CDH18: variants seen among roughly 807,000 people sequenced by gnomAD.
CDH18 encodes cadherin-18.
In CDH18, 31 loss-of-function variants were observed where a neutral mutation model predicts 67.9. The ratio of observed to expected loss-of-function variants is 0.46; its 90% CI spans 0.34 to 0.62. CDH18 has a LOEUF of 0.62. CDH18 is among the 20% of genes least tolerant of loss of function. The pLI is 0.01. For synonymous variants in CDH18, 362 were observed against 347.2 expected (o/e 1.04, Z -0.48); for missense variants, 890 against 975.5 (o/e 0.91, Z 1.17).
At chr5:20,489,908 T>C (rs867808271) in intron 1 of CDH18, among the ~76,000 whole-genome samples, 1 of 151,930 alleles carries the variant, frequency 6.6e-6, no homozygotes, top group Non-Finnish European at 1.5e-5. Context: ...TGTTCTTATC[T>C]AATAGATTCA....
chr5:19,746,575 C>T (rs950978821), intron 4 of CDH18, among the ~76,000 whole-genome samples: 20 of 152,134 alleles, frequency 1.3e-4, no homozygotes, highest in Non-Finnish European at 2.2e-4. Flanking sequence ...AATCTTTCTT[C>T]TCTGCAAATA....
chr5:20,014,307 G>A (rs1287781456), intron 2 of CDH18, among the ~76,000 whole-genome samples: 2 of 152,114 alleles, frequency 1.3e-5, no homozygotes, highest in African/African-American at 4.8e-5. Context: ...GAAACAGAAG[G>A]TGGAAGTGTA....
intron 1 of CDH18, among the ~76,000 whole-genome samples, chr5:20,558,525 T>G (rs1231624225): frequency 1.3e-5 from 2 of 152,084 alleles, no homozygotes; most frequent in Non-Finnish European, 2.9e-5. Context: ...AGGTACTGCA[T>G]GCAGCGAAGG....
intron 1 of CDH18, among the ~76,000 whole-genome samples, chr5:20,519,981 T>TTTTTTTTTTTTG (rs1755642371): frequency 1.1e-5 from 1 of 94,026 alleles, no homozygotes; most frequent in African/African-American, 3.7e-5. Flanking sequence ...TTTTTTTTTT[T>TTTTTTTTTTTTG]GTATTTTTGG....
intron 7 of CDH18, among the ~76,000 whole-genome samples, chr5:19,574,240 C>A (rs537505605): frequency 2.0e-5 from 3 of 152,136 alleles, no homozygotes; most frequent in Admixed American, 6.5e-5. Context: ...CCTACTGCTA[C>A]GGTGCAGGCT....
chr5:20,402,348 T>C (rs1477150194), intron 1 of CDH18, among the ~76,000 whole-genome samples: 1 of 152,200 alleles, frequency 6.6e-6, no homozygotes, highest in Non-Finnish European at 1.5e-5. Context: ...TGCCTGACTT[T>C]GGAAAAAGGC....
chr5:20,048,728 G>C (rs1311886008), intron 2 of CDH18, among the ~76,000 whole-genome samples: 1 of 151,280 alleles, frequency 6.6e-6, no homozygotes, highest in Non-Finnish European at 1.5e-5. Flanking sequence ...TTCTTGGTCT[G>C]GCCTGTAGAT....
intron 2 of CDH18, among the ~76,000 whole-genome samples, chr5:20,017,681 T>C (rs1270293804): frequency 6.6e-6 from 1 of 152,194 alleles, no homozygotes; most frequent in Non-Finnish European, 1.5e-5. Context: ...GAGAAAGTTA[T>C]TAAGCAAAAT....
At chr5:20,146,464 A>G (rs1369966444) in intron 2 of CDH18, among the ~76,000 whole-genome samples, 2 of 152,110 alleles carry the variant, frequency 1.3e-5, no homozygotes, top group East Asian at 1.9e-4. Context: ...GAATTGTGTT[A>G]TATTAGTTAC....
intron 2 of CDH18, among the ~76,000 whole-genome samples, chr5:19,913,402 G>A (rs1250193416): frequency 6.6e-6 from 1 of 152,084 alleles, no homozygotes; most frequent in African/African-American, 2.4e-5. Flanking sequence ...TATTAAACTT[G>A]CAACAAGAAA....
At chr5:19,487,420 A>C (rs1740584734) in intron 11 of CDH18, among the ~76,000 whole-genome samples, 1 of 152,186 alleles carries the variant, frequency 6.6e-6, no homozygotes, top group South Asian at 2.1e-4. Flanking sequence ...TAAAATTTTA[A>C]ACCAATAATA....
chr5:19,803,958 A>G (rs1777740051), intron 3 of CDH18: 1 of 152,094 alleles, frequency 6.6e-6, no homozygotes, highest in South Asian at 2.1e-4. Flanking sequence ...CGTCTCTACT[A>G]AAAATACAAA....
At chr5:19,867,011 C>A (rs1785623449) in intron 2 of CDH18, among the ~76,000 whole-genome samples, 1 of 152,066 alleles carries the variant, frequency 6.6e-6, no homozygotes, top group African/African-American at 2.4e-5. Context: ...ATTGCTTGAA[C>A]CCAGGAGGTG....
chr5:19,986,615 C>G (rs923578744), intron 1 of CDH18, among the ~76,000 whole-genome samples: 1 of 152,106 alleles, frequency 6.6e-6, no homozygotes, highest in African/African-American at 2.4e-5. Flanking sequence ...ATCAGTTGAC[C>G]TATACCAGGT....
intron 1 of CDH18, among the ~76,000 whole-genome samples, chr5:20,371,211 T>A (rs527597249): frequency 1.3e-5 from 2 of 152,000 alleles, no homozygotes; most frequent in Non-Finnish European, 2.9e-5. Context: ...GATAAAGGAA[T>A]CCAGAATAAT....
chr5:20,266,288 A>G (rs1456784876), intron 1 of CDH18, among the ~76,000 whole-genome samples: 1 of 152,206 alleles, frequency 6.6e-6, no homozygotes, highest in Non-Finnish European at 1.5e-5. Context: ...TTATGCAGGA[A>G]AATAACCTGA....
At chr5:19,475,535 C>A (rs1738302546) in intron 12 of CDH18, among the ~76,000 whole-genome samples, 1 of 147,538 alleles carries the variant, frequency 6.8e-6, no homozygotes, top group Admixed American at 6.8e-5. Context: ...CCATCTGCAA[C>A]ACACACACAC....
At chr5:20,328,621 T>G (rs1032028997) in intron 1 of CDH18, among the ~76,000 whole-genome samples, 1 of 152,148 alleles carries the variant, frequency 6.6e-6, no homozygotes, top group Non-Finnish European at 1.5e-5. Context: ...CTATTCTTCC[T>G]TCACCCCATA....
chr5:19,870,273 G>T (rs1447641400), intron 2 of CDH18, among the ~76,000 whole-genome samples: 2 of 151,972 alleles, frequency 1.3e-5, no homozygotes, highest in African/African-American at 4.8e-5. Flanking sequence ...AAAAGAGAGT[G>T]GATTCTCACT....
Sources: allele counts gnomAD v4.1 joint callset (sites outside exome capture counted in the v4.1 genomes callset), GRCh38; gene constraint gnomAD v4.1.1; transcripts MANE v1.5; gene names NCBI Gene and HGNC (gene_info 2026-07-23, HGNC 2026-07-21).